SOX5: variants seen among roughly 807,000 people sequenced by gnomAD.
SOX5 encodes the protein SRY-box transcription factor 5, also known as transcription factor SOX-5.
A neutral mutation model predicts 92.0 loss-of-function variants in SOX5; 9 were observed. That is an observed-to-expected ratio of 0.10 (90% CI 0.06 to 0.17). The LOEUF (loss-of-function observed/expected upper bound fraction) is 0.17. Ranked by LOEUF, SOX5 falls within the 10% of genes least tolerant of loss-of-function variation. The pLI, the probability that SOX5 is intolerant of heterozygous loss-of-function variation, is 1.00. For synonymous variants in SOX5, 344 were observed against 336.3 expected, an observed-to-expected ratio of 1.02 and a Z score of -0.25; for missense variants, 642 against 944.5, an observed-to-expected ratio of 0.68 and a Z score of 4.20.
chr12:23,567,293 A>T (rs1292675525), intron 10 of SOX5, among the ~76,000 whole-genome samples: 2 of 152,166 alleles, frequency 1.3e-5, no homozygotes, highest in African/African-American at 4.8e-5. Flanking sequence ...GGGCATGTGT[A>T]TAGGAGAGGT....
chr12:24,192,353 T>A (rs748079039), intron 4 of SOX5, among the ~76,000 whole-genome samples: 6 of 152,090 alleles, frequency 3.9e-5, no homozygotes, highest in African/African-American at 7.2e-5. Context: ...AAAATAACAA[T>A]AAAATGTTCT....
intron 3 of SOX5, among the ~76,000 whole-genome samples, chr12:24,235,155 A>G (rs1464502): frequency 0.32 from 48,186 of 152,120 alleles, 8,059 homozygotes; most frequent in African/African-American, 0.38. Context: ...GATTTGCTAC[A>G]TTATTCTGCT....
At chr12:24,119,989 G>A (rs993349625) in intron 4 of SOX5, among the ~76,000 whole-genome samples, 1 of 152,178 alleles carries the variant, frequency 6.6e-6, no homozygotes, top group African/African-American at 2.4e-5. Flanking sequence ...ATATAGTTGT[G>A]TGCAGTTGTA....
intron 2 of SOX5, among the ~76,000 whole-genome samples, chr12:23,891,650 A>G (rs919854590): frequency 1.3e-5 from 2 of 152,192 alleles, no homozygotes; most frequent in African/African-American, 2.4e-5. Context: ...AAGACTATGA[A>G]GCATTCTCTG....
chr12:24,387,797 T>C (rs1458597472), intron 1 of SOX5, among the ~76,000 whole-genome samples: 1 of 152,214 alleles, frequency 6.6e-6, no homozygotes, highest in Non-Finnish European at 1.5e-5. Flanking sequence ...GACAAGCTTC[T>C]TTCTTTTTCT....
At chr12:24,252,389 T>C (rs1188290007) in intron 3 of SOX5, among the ~76,000 whole-genome samples, 2 of 152,320 alleles carry the variant, frequency 1.3e-5, no homozygotes, top group South Asian at 2.1e-4. Context: ...AGAATGTGTT[T>C]GGTTTCACAG....
chr12:24,148,494 AAAAAAAAAAAG>A (rs1161290420), intron 4 of SOX5, among the ~76,000 whole-genome samples: 5 of 142,280 alleles, frequency 3.5e-5, no homozygotes, highest in Non-Finnish European at 6.1e-5. Flanking sequence ...AAAAAAAAAA[AAAAAAAAAAAG>A]AGAGAGAGAG....
intron 2 of SOX5, among the ~76,000 whole-genome samples, chr12:24,344,281 CAAAAAAAAAAAAAAAA>C (rs61660537): frequency 9.6e-6 from 1 of 104,282 alleles, no homozygotes; most frequent in South Asian, 2.7e-4. Context: ...GACTCTGTCT[CAAAAAAAAAAAAAAAA>C]AAAAAAAAAA....
At chr12:23,873,009 C>A (rs1410757910) in intron 2 of SOX5, among the ~76,000 whole-genome samples, 1 of 152,170 alleles carries the variant, frequency 6.6e-6, no homozygotes, top group Non-Finnish European at 1.5e-5. Context: ...TATAAACCTA[C>A]AAAATACAGA....
chr12:23,862,817 T>A (rs2096770506), intron 2 of SOX5, among the ~76,000 whole-genome samples: 2 of 152,198 alleles, frequency 1.3e-5, no homozygotes, highest in South Asian at 4.1e-4. Context: ...ACCAAGTAAA[T>A]GTGGCATATG....
At chr12:24,422,682 A>G (rs966778549) in intron 1 of SOX5, among the ~76,000 whole-genome samples, 7 of 152,352 alleles carry the variant, frequency 4.6e-5, no homozygotes, top group African/African-American at 1.4e-4. Flanking sequence ...CTTGAGGCCA[A>G]CCAAATTAGT....
intron 1 of SOX5, among the ~76,000 whole-genome samples, chr12:24,415,500 T>G (rs550449207): frequency 6.6e-6 from 1 of 152,290 alleles, no homozygotes; most frequent in South Asian, 2.1e-4. Flanking sequence ...TATATTCCCC[T>G]AAATCCCAAA....
chr12:23,574,356 A>G (rs1001304989), intron 10 of SOX5, among the ~76,000 whole-genome samples: 19 of 152,078 alleles, frequency 1.2e-4, no homozygotes, highest in African/African-American at 4.1e-4. Context: ...TGTGCTGCAA[A>G]TTCAACACAT....
At chr12:24,059,290 T>A (rs1216238893) in intron 4 of SOX5, among the ~76,000 whole-genome samples, 4 of 152,000 alleles carry the variant, frequency 2.6e-5, no homozygotes, top group African/African-American at 9.7e-5. Context: ...CGCACCAAAA[T>A]CTTTATCTGA....
intron 3 of SOX5, among the ~76,000 whole-genome samples, chr12:24,266,133 C>G (rs556361498): frequency 4.6e-5 from 7 of 151,116 alleles, no homozygotes; most frequent in Non-Finnish European, 1.0e-4. Flanking sequence ...AGGCTGGTTT[C>G]GAACTCCTGG....
intron 2 of SOX5, among the ~76,000 whole-genome samples, chr12:23,893,575 C>T (rs901669386): frequency 1.3e-5 from 2 of 152,166 alleles, no homozygotes; most frequent in African/African-American, 4.8e-5. Flanking sequence ...TACTTAAAAT[C>T]ATCTTCCATT....
At chr12:23,876,145 T>C (rs1353974246) in intron 2 of SOX5, among the ~76,000 whole-genome samples, 1 of 152,090 alleles carries the variant, frequency 6.6e-6, no homozygotes. Flanking sequence ...CTATTAAAAG[T>C]ATAGTAAAAG....
chr12:23,895,674 T>C lies in SOX5; in HGVS notation c.270+119A>G. The stretch of plus-strand genomic sequence containing the variant: ...AGAATTCTAAGACGCCAGGGGTGAA[T>C]CTTGTGCATGGGTTCTTAAGTAGAT... On this transcript the variant is annotated intron_variant, in intron 2 of 14. Coordinates refer to ENST00000451604, the MANE Select transcript of SOX5 (RefSeq NM_006940.6). 3 of 696,280 alleles carry C rather than the reference T, an allele frequency of 4.3e-6. 1 individual carries two copies. In the South Asian group the frequency reaches 5.5e-5, roughly 13 times the overall value. 43.1% of individuals were successfully genotyped at this position (696,280 alleles called of 1,614,324 possible).
chr12:24,432,162 T>C (rs1052818662), intron 1 of SOX5, among the ~76,000 whole-genome samples: 33 of 152,140 alleles, frequency 2.2e-4, no homozygotes, highest in African/African-American at 7.5e-4. Context: ...GTGTATTCTG[T>C]TGTGGGTTTT....
Sources: gnomAD v4.1 joint callset for allele counts (sites outside exome capture counted in the v4.1 genomes callset) on GRCh38, gnomAD v4.1.1 for gene constraint, MANE v1.5 for transcripts, NCBI Gene and HGNC (gene_info 2026-07-23, HGNC 2026-07-21) for gene names.